The following HMGB1 variants were observed in gnomAD, a reference collection of about 807,000 sequenced individuals.
HMGB1 encodes high mobility group box 1.
For missense variants in HMGB1, 79 were observed against 253.5 expected (o/e 0.31, Z 4.67); for synonymous variants, 81 against 84.0 (o/e 0.96, Z 0.19).
rs1335470514 is a variant in HMGB1 at position 30,458,371 on chromosome 13, C to T, written c.*2986G>A. 2 of 148,292 alleles carry T rather than the reference C, an allele frequency of 1.3e-5. No individual in the cohort carries two copies. The highest frequency in any genetic ancestry group is 1.5e-5 in the Non-Finnish European group (1 of 67,844). The allele number at this position is 148,292 out of a possible 1,614,324, so 9.2% of individuals were successfully genotyped here. A position where few individuals can be genotyped will look rare whatever the true frequency, so the allele number is the denominator to read the frequency against. On this transcript the variant is annotated 3_prime_UTR_variant, in exon 5 of 5. Transcript: ENST00000341423. ...TTGAGATGGAGTCTTGCTCTGTCACCCAGGCTGGAGTGCAGTGGCACAATC... is the reference window on the plus strand; with the variant it reads ...TTGAGATGGAGTCTTGCTCTGTCACTCAGGCTGGAGTGCAGTGGCACAATC...
intron 1 of HMGB1, among the ~76,000 whole-genome samples, chr13:30,493,660 G>A (rs1003707331): frequency 1.3e-5 from 2 of 152,192 alleles, no homozygotes; most frequent in African/African-American, 2.4e-5. Flanking sequence ...TTAGCCAGGC[G>A]AGGCGCACAC....
chr13:30,491,009 G>A (rs1887478127), intron 1 of HMGB1, among the ~76,000 whole-genome samples: 2 of 151,920 alleles, frequency 1.3e-5, no homozygotes. Context: ...AACAAAGTTG[G>A]TAAGACATTC....
intron 1 of HMGB1, among the ~76,000 whole-genome samples, chr13:30,548,302 C>T (rs973742373): frequency 6.6e-6 from 1 of 152,088 alleles, no homozygotes; most frequent in Admixed American, 6.5e-5. Context: ...TTCCTGTCGC[C>T]ATGTAAAGAA....
At chr13:30,511,155 T>C (rs557647032) in intron 1 of HMGB1, among the ~76,000 whole-genome samples, 4 of 152,298 alleles carry the variant, frequency 2.6e-5, no homozygotes, top group South Asian at 4.1e-4. Context: ...GTAATAATCA[T>C]AGAACTAAAG....
At position 30,471,299 on chromosome 13, in the gene HMGB1, G is replaced by C. The variant is rs74507695; in HGVS notation, c.-14-7605C>G. 8.2e-3 allele frequency among the ~76,000 whole-genome samples: 1,242 copies of C among 151,986 alleles called. 11 individuals carry two copies. Among genetic ancestry groups the C allele is most frequent in the African/African-American group, 0.028 (1,162 of 41,440 alleles). On this transcript the variant is annotated intron_variant, in intron 1 of 4. Coordinates refer to the HMGB1 transcript ENST00000405805. ...TTATTTTATCTTTAATTTAATGTTT[G>C]TCTCCCATGTTCAACCAAACCAATG...
At chr13:30,537,932 A>C (rs1868532219) in intron 1 of HMGB1, among the ~76,000 whole-genome samples, 1 of 151,760 alleles carries the variant, frequency 6.6e-6, no homozygotes, top group Non-Finnish European at 1.5e-5. Context: ...TTTAAAATTT[A>C]TTTTTTAACA....
chr13:30,526,811 TGA>T (rs755576337), intron 1 of HMGB1, among the ~76,000 whole-genome samples: 1 of 152,236 alleles, frequency 6.6e-6, no homozygotes. Context: ...AGCCTTCCTG[TGA>T]GAGAGTCTGT....
intron 1 of HMGB1, among the ~76,000 whole-genome samples, chr13:30,500,219 G>A (rs1593277417): frequency 6.6e-6 from 1 of 152,196 alleles, no homozygotes; most frequent in South Asian, 2.1e-4. Context: ...GCTTGCACCA[G>A]AAGCTGCTGC....
intron 1 of HMGB1, among the ~76,000 whole-genome samples, chr13:30,538,635 C>CTT (rs1312655787): frequency 3.5e-5 from 2 of 57,554 alleles, no homozygotes; most frequent in African/African-American, 1.8e-4. Context: ...CTTTCTTTTT[C>CTT]TTTCTTCCTT....
chr13:30,473,053 G>A, intron 1 of HMGB1, among the ~76,000 whole-genome samples: 1 of 152,070 alleles, frequency 6.6e-6, no homozygotes, highest in Non-Finnish European at 1.5e-5. Flanking sequence ...CACTACCTTA[G>A]TCTAACTTGA....
At chr13:30,604,541 G>T (rs1168692789) in intron 1 of HMGB1, among the ~76,000 whole-genome samples, 1 of 152,154 alleles carries the variant, frequency 6.6e-6, no homozygotes, top group Non-Finnish European at 1.5e-5. Context: ...AACATTGCTG[G>T]CCCAAAACGT....
At chr13:30,573,500 G>A (rs908988672) in intron 1 of HMGB1, among the ~76,000 whole-genome samples, 2 of 152,106 alleles carry the variant, frequency 1.3e-5, no homozygotes, top group Non-Finnish European at 2.9e-5. Context: ...TTAGTAGACT[G>A]ATAAACTGAA....
intron 1 of HMGB1, among the ~76,000 whole-genome samples, chr13:30,506,404 C>T (rs1055153356): frequency 5.3e-5 from 8 of 152,312 alleles, no homozygotes; most frequent in South Asian, 2.1e-4. Context: ...AAGTGTAGCA[C>T]GGAGGCTACC....
At chr13:30,587,475 C>T (rs887224454) in intron 1 of HMGB1, among the ~76,000 whole-genome samples, 10 of 152,168 alleles carry the variant, frequency 6.6e-5, no homozygotes, top group African/African-American at 2.4e-4. Flanking sequence ...GTCCCTGCCA[C>T]CACACCCAGC....
chr13:30,593,283 T>C (rs979666625), intron 1 of HMGB1, among the ~76,000 whole-genome samples: 3 of 152,208 alleles, frequency 2.0e-5, no homozygotes, highest in Non-Finnish European at 4.4e-5. Context: ...TGATTATCTT[T>C]TAATAAACAA....
chr13:30,481,046 T>TG (rs1395767249), intron 1 of HMGB1, among the ~76,000 whole-genome samples: 7 of 137,252 alleles, frequency 5.1e-5, no homozygotes, highest in African/African-American at 7.1e-5. Context: ...CTTGTGTGTG[T>TG]TTTTTTTTCT....
At chr13:30,480,746 C>G (rs1241908633) in intron 1 of HMGB1, among the ~76,000 whole-genome samples, 1 of 152,018 alleles carries the variant, frequency 6.6e-6, no homozygotes, top group Non-Finnish European at 1.5e-5. Flanking sequence ...TTCCCTCGCT[C>G]CTTTTTCTGT....
intron 1 of HMGB1, among the ~76,000 whole-genome samples, chr13:30,513,655 C>A (rs1197078113): frequency 6.6e-6 from 1 of 152,174 alleles, no homozygotes; most frequent in African/African-American, 2.4e-5. Flanking sequence ...GGATGTAATA[C>A]AGATAACTCA....
intron 1 of HMGB1, among the ~76,000 whole-genome samples, chr13:30,507,918 GC>G (rs1440113996): frequency 2.0e-5 from 3 of 152,030 alleles, no homozygotes; most frequent in Non-Finnish European, 4.4e-5. Flanking sequence ...GATCGCTTGA[GC>G]CCCGGGATTC....
Sources: allele counts gnomAD v4.1 joint callset (sites outside exome capture counted in the v4.1 genomes callset), GRCh38; gene constraint gnomAD v4.1.1; transcripts MANE v1.5; gene names NCBI Gene and HGNC (gene_info 2026-07-23, HGNC 2026-07-21).